Variants in SPATA6 observed in about 807,000 individuals in gnomAD.
SPATA6 encodes spermatogenesis associated 6, also known as spermatogenesis-associated protein 6.
A neutral mutation model predicts 65.3 loss-of-function variants in SPATA6; 56 were observed. The observed-to-expected ratio is 0.86, with a 90% confidence interval of 0.69 to 1.07. The LOEUF (loss-of-function observed/expected upper bound fraction) is 1.07. Ranked by LOEUF, SPATA6 falls within the 50% of genes least tolerant of loss-of-function variation. SPATA6 has a pLI of 0.00. For synonymous variants in SPATA6, 199 were observed against 213.2 expected (o/e 0.93, Z 0.58); for missense variants, 590 against 594.8 (o/e 0.99, Z 0.08).
chr1:48,365,562 T>C (rs1469153399), intron 9 of SPATA6, among the ~76,000 whole-genome samples: 2 of 152,222 alleles, frequency 1.3e-5, no homozygotes, highest in African/African-American at 2.4e-5. Context: ...TTTGAAGCAA[T>C]GGTGAATGGG....
the SPATA6 span, among the ~76,000 whole-genome samples, chr1:48,279,674 T>C: frequency 6.6e-6 from 1 of 152,138 alleles, no homozygotes; most frequent in African/African-American, 2.4e-5. Context: ...GCATGCAGAT[T>C]CATAAAGCAA....
chr1:48,319,916 G>A (rs1461493669), intron 11 of SPATA6, among the ~76,000 whole-genome samples: 1 of 152,126 alleles, frequency 6.6e-6, no homozygotes, highest in Non-Finnish European at 1.5e-5. Context: ...ATGGAGAAGA[G>A]GGCAAACTAT....
intron 12 of SPATA6, among the ~76,000 whole-genome samples, chr1:48,303,980 T>C (rs893929821): frequency 1.3e-5 from 2 of 152,186 alleles, no homozygotes; most frequent in African/African-American, 2.4e-5. Context: ...AGAGGATTGA[T>C]AGTAAGTCAA....
At chr1:48,448,451 T>G (rs1443006844) in intron 3 of SPATA6, among the ~76,000 whole-genome samples, 1 of 149,982 alleles carries the variant, frequency 6.7e-6, no homozygotes, top group African/African-American at 2.5e-5. Flanking sequence ...ACAGTCAAAA[T>G]GCAGGCACAC....
chr1:48,440,610 A>C (rs1173672451), intron 3 of SPATA6, among the ~76,000 whole-genome samples: 2 of 152,238 alleles, frequency 1.3e-5, no homozygotes, highest in Non-Finnish European at 2.9e-5. Flanking sequence ...AAGGAAAATT[A>C]GGGAAAAGCC....
intron 1 of SPATA6, among the ~76,000 whole-genome samples, chr1:48,461,013 A>T (rs1351960200): frequency 6.6e-6 from 1 of 152,162 alleles, no homozygotes; most frequent in Non-Finnish European, 1.5e-5. Flanking sequence ...CTGAGAATAG[A>T]TAAAAGTTCC....
At chr1:48,343,959 G>A (rs949345249) in intron 11 of SPATA6, among the ~76,000 whole-genome samples, 3 of 151,834 alleles carry the variant, frequency 2.0e-5, no homozygotes, top group African/African-American at 4.8e-5. Flanking sequence ...CCCAAAAGAG[G>A]ATAAAAGGAA....
the SPATA6 span, among the ~76,000 whole-genome samples, chr1:48,284,123 C>A: frequency 6.6e-6 from 1 of 151,948 alleles, no homozygotes; most frequent in Non-Finnish European, 1.5e-5. Flanking sequence ...TGGCTTTGTT[C>A]ATTCCTTTTC....
rs575683213 is a variant in SPATA6 at position 48,443,250 on chromosome 1, G to A, written c.238+8302C>T. 2.6e-5 allele frequency among the ~76,000 whole-genome samples: 4 copies of A among 152,184 alleles called. No homozygotes were observed. The South Asian group carries it at 8.3e-4, about 32-fold the overall frequency. On this transcript the variant is annotated intron_variant, in intron 3 of 12. Coordinates refer to ENST00000371847, the MANE Select transcript of SPATA6 (RefSeq NM_019073.4). ...AAAAATTAAAATCCCAAACTTAGAA[G>A]GTTTTCAACGAAAGTAAAGTTTGCT...
chr1:48,408,104 A>C (rs1244943768), intron 5 of SPATA6, among the ~76,000 whole-genome samples: 1 of 152,244 alleles, frequency 6.6e-6, no homozygotes, highest in Non-Finnish European at 1.5e-5. Flanking sequence ...GTCAACTTTT[A>C]TACTTTCATA....
At chr1:48,332,228 A>G (rs928540141) in intron 11 of SPATA6, among the ~76,000 whole-genome samples, 1 of 152,212 alleles carries the variant, frequency 6.6e-6, no homozygotes, top group African/African-American at 2.4e-5. Context: ...ATCCATACAT[A>G]TCAATAAGAA....
chr1:48,282,329 C>G, the SPATA6 span, among the ~76,000 whole-genome samples: 1 of 152,064 alleles, frequency 6.6e-6, no homozygotes, highest in Non-Finnish European at 1.5e-5. Context: ...CCAAAATTGA[C>G]AAATGGGATC....
At chr1:48,278,901 A>G in the SPATA6 span, among the ~76,000 whole-genome samples, 27 of 152,264 alleles carry the variant, frequency 1.8e-4, no homozygotes, top group Non-Finnish European at 2.6e-4. Context: ...AAGTTTAAAT[A>G]AAGGCAAAAA....
At chr1:48,409,098 G>A (rs1461362487) in intron 5 of SPATA6, among the ~76,000 whole-genome samples, 1 of 152,220 alleles carries the variant, frequency 6.6e-6, no homozygotes, top group African/African-American at 2.4e-5. Flanking sequence ...GACAAGGCAA[G>A]TGCCTTCCAC....
intron 11 of SPATA6, among the ~76,000 whole-genome samples, chr1:48,313,928 T>C (rs975985762): frequency 6.6e-6 from 1 of 151,920 alleles, no homozygotes; most frequent in Admixed American, 6.6e-5. Context: ...TCAACAAAGA[T>C]AAAAAGAGAC....
chr1:48,335,115 G>A (rs996881759), intron 11 of SPATA6, among the ~76,000 whole-genome samples: 2 of 151,738 alleles, frequency 1.3e-5, no homozygotes, highest in African/African-American at 2.4e-5. Flanking sequence ...TTACAAAACT[G>A]CTCAAAAAAA....
intron 5 of SPATA6, among the ~76,000 whole-genome samples, chr1:48,408,769 T>C (rs1357031994): frequency 6.6e-6 from 1 of 152,152 alleles, no homozygotes; most frequent in Non-Finnish European, 1.5e-5. Flanking sequence ...AAGAGAGAGC[T>C]TGTGCAAAGA....
intron 3 of SPATA6, among the ~76,000 whole-genome samples, chr1:48,414,677 T>G (rs1334427449): frequency 1.3e-5 from 2 of 152,188 alleles, no homozygotes; most frequent in African/African-American, 4.8e-5. Flanking sequence ...TGCAACCTGA[T>G]CATAGGACTG....
intron 3 of SPATA6, among the ~76,000 whole-genome samples, chr1:48,448,950 AATG>A (rs1196270421): frequency 2.6e-5 from 4 of 152,120 alleles, no homozygotes; most frequent in Admixed American, 2.0e-4. Flanking sequence ...TAAATTAGAA[AATG>A]ATGATGATAC....
Sources: allele counts gnomAD v4.1 joint callset (sites outside exome capture counted in the v4.1 genomes callset), GRCh38; gene constraint gnomAD v4.1.1; transcripts MANE v1.5; gene names NCBI Gene and HGNC (gene_info 2026-07-23, HGNC 2026-07-21).